ALDH18A1: variants seen among roughly 807,000 people sequenced by gnomAD.
ALDH18A1 encodes the protein aldehyde dehydrogenase 18 family member A1.
In ALDH18A1, 44 loss-of-function variants were observed where a neutral mutation model predicts 88.8. The observed-to-expected ratio is 0.50, with a 90% CI of 0.39 to 0.64. The LOEUF (loss-of-function observed/expected upper bound fraction) is 0.64, where lower values mean the gene tolerates loss of function less well. ALDH18A1 is among the 30% of genes least tolerant of loss of function. The pLI, the probability that ALDH18A1 is intolerant of heterozygous loss-of-function variation, is 0.00. For missense variants in ALDH18A1, 782 were observed against 1,009.5 expected, an observed-to-expected ratio of 0.77 and a Z score of 3.05; for synonymous variants, 331 against 372.1, an observed-to-expected ratio of 0.89 and a Z score of 1.27.
chr10:95,626,743 C>A lies in ALDH18A1; in HGVS notation c.1112G>T (p.Arg371Leu). 1 of 1,613,968 alleles carries A rather than the reference C, an allele frequency of 6.2e-7. No individual in the cohort carries two copies. Among genetic ancestry groups the A allele is most frequent in the Non-Finnish European group, 8.5e-7 (1 of 1,179,934 alleles). Residue 371 changes from arginine to leucine, a missense_variant, in exon 10 of 18, where the codon CGA (arginine) becomes CTA (leucine). Physicochemically the swap from Arg to Leu is moderately radical, Grantham distance 102. Coordinates refer to ENST00000371224, the MANE Select transcript of ALDH18A1 (RefSeq NM_002860.4). ...GGTGGCCAACATCCTTCCTCCAGAT[C>A]GCGCCATTTCTCCCTGCTGCTCAAC... ...PTVEQQGEMA[R>L]SGGRMLATLE...
Position 95,609,769 on chromosome 10 carries a change from A to ATTTTTTTTTTT in ALDH18A1, c.2206+417_2206+427dup, listed in dbSNP as rs55659918. On this transcript the variant is annotated intron_variant, in intron 17 of 17. Transcript: ENST00000371224. ...CCTACCTTGCCAGAAGTCTGTCTCT[A>ATTTTTTTTTTT]TTTTTTTTTTTTTTTTGAGATGGTG... 4.0e-4 allele frequency among the ~76,000 whole-genome samples: 46 copies of ATTTTTTTTTTT among 114,222 alleles called. 5 individuals are homozygous for ATTTTTTTTTTT. The highest frequency in any genetic ancestry group is 5.2e-4 in the African/African-American group (15 of 29,106). 74.9% of individuals were successfully genotyped at this position (114,222 alleles called of 152,430 possible).
chr10:95,643,049 C>T lies in ALDH18A1; in HGVS notation c.246G>A (p.Val82=), dbSNP rs1366311674. 3 of 1,613,874 alleles carry T rather than the reference C, an allele frequency of 1.9e-6. No homozygotes were observed. The highest frequency in any genetic ancestry group is 2.5e-6 in the Non-Finnish European group (3 of 1,179,934). The stretch of plus-strand genomic sequence containing the variant: ...CCAGGCCACATTCATCCCCTCGGGT[C>T]ACCACGGCACTGCCGAGCTTCACCA... ...RIVVKLGSAV[V]TRGDECGLAL... Residue 82 remains valine (V), a synonymous_variant, in exon 3 of 18, where the codon GTG becomes GTA. Transcript: ENST00000371224.
intron 5 of ALDH18A1, among the ~76,000 whole-genome samples, chr10:95,636,505 CG>C (rs1283417438): frequency 6.6e-6 from 1 of 152,166 alleles, no homozygotes; most frequent in Admixed American, 6.5e-5. Context: ...ACCAAAAATT[CG>C]TAAGTCCCAT....
chr10:95,606,795 C>A lies in ALDH18A1; in HGVS notation c.2355G>T (p.Glu785Asp). Residue 785 changes from glutamate to aspartate, a missense_variant, in exon 18 of 18, where the codon GAG (glutamate) becomes GAT (aspartate). Physicochemically the swap from Glu to Asp is conservative, Grantham distance 45 (BLOSUM62 2). This residue lies in a region of ALDH18A1 where 556 missense variants were observed against 654.5 expected (regional missense o/e 0.85). Coordinates refer to ENST00000371224, the MANE Select transcript of ALDH18A1 (RefSeq NM_002860.4). ...SEHGSLKYLHENLPIPQRNTN is the reference protein window; with the variant it reads ...SEHGSLKYLHDNLPIPQRNTN ...TGTTTCTCTGAGGAATAGGGAGGTT[C>A]TCATGAAGATATTTTAAACTTCCAT... is the stretch of plus-strand genomic sequence containing the variant. 6.2e-7 allele frequency: 1 copy of A among 1,614,138 alleles called. No individual in the cohort carries two copies. Among genetic ancestry groups the A allele is most frequent in the Non-Finnish European group, 8.5e-7 (1 of 1,180,020 alleles).
intron 11 of ALDH18A1, among the ~76,000 whole-genome samples, chr10:95,621,971 A>C (rs1050068483): frequency 6.6e-6 from 1 of 152,194 alleles, no homozygotes; most frequent in African/African-American, 2.4e-5. Context: ...GAAAAAGGCA[A>C]ACTATAAAAC....
At chr10:95,641,700 A>G (rs920707610) in intron 3 of ALDH18A1, among the ~76,000 whole-genome samples, 2 of 152,060 alleles carry the variant, frequency 1.3e-5, no homozygotes, top group African/African-American at 4.8e-5. Flanking sequence ...GTGCAGTCGC[A>G]TGATCATAGC....
rs1461441704 is a variant in ALDH18A1 at position 95,626,758 on chromosome 10, T to C, written c.1097A>G (p.Gln366Arg). 1 of 1,614,010 alleles carries C rather than the reference T, an allele frequency of 6.2e-7. No homozygotes were observed. The highest frequency in any genetic ancestry group is 1.1e-5 in the South Asian group (1 of 91,074). ...TCCTCCAGATCGCGCCATTTCTCCC[T>C]GCTGCTCAACAGTAGGGCCTGCAAG... ...VKPAGPTVEQ[Q>R]GEMARSGGRM... Residue 366 changes from glutamine (Q) to arginine (R), a missense_variant, in exon 10 of 18, where the codon CAG (glutamine) becomes CGG (arginine). Gln to Arg is a conservative substitution (Grantham distance 43). Around this residue, in one of 3 missense-constraint regions of ALDH18A1, gnomAD observed 556 missense variants for 654.5 expected, o/e 0.85. Coordinates refer to ENST00000371224, the MANE Select transcript of ALDH18A1 (RefSeq NM_002860.4).
chr10:95,637,067 A>C (rs1589543014), intron 5 of ALDH18A1, 26 bp downstream of exon 5: 1 of 1,608,704 alleles, frequency 6.2e-7, no homozygotes. Flanking sequence ...CAGGTCCCAC[A>C]CCCATTTCAA....
At position 95,622,817 on chromosome 10, in the gene ALDH18A1, A is replaced by G. The variant is rs916575871; in HGVS notation, c.1247-1566T>C. 7.2e-5 allele frequency among the ~76,000 whole-genome samples: 11 copies of G among 152,272 alleles called. No homozygotes were observed. In the East Asian group the frequency reaches 1.9e-3, roughly 27 times the overall value. ...CTCCCAAAGTGCTGGGATTACAGGC[A>G]TGAGACACCGCACCCGGCCCAGAAT... On this transcript the variant is annotated intron_variant, in intron 11 of 17. Coordinates refer to ENST00000371224, the MANE Select transcript of ALDH18A1 (RefSeq NM_002860.4).
chr10:95,627,700 G>A, intron 8 of ALDH18A1, 114 bp from the exon 9 acceptor site: 3 of 1,288,580 alleles, frequency 2.3e-6, no homozygotes, highest in Non-Finnish European at 3.3e-6. Flanking sequence ...AAGTATATGA[G>A]AGAATGTTTT....
At position 95,626,714 on chromosome 10, in the gene ALDH18A1, C is replaced by G; in HGVS notation, c.1141G>C (p.Glu381Gln). The G allele has an allele frequency of 6.2e-7, 1 of 1,613,932 alleles. No individual in the cohort carries two copies. Among genetic ancestry groups the G allele is most frequent in the Non-Finnish European group, 8.5e-7 (1 of 1,179,876 alleles). ...CCTAAGGTTATTACCTGCTCAGGTT[C>G]CAAGGTGGCCAACATCCTTCCTCCA... The part of the protein sequence containing the change: ...RSGGRMLATL[E>Q]PEQRAEIIHH... The change falls in exon 10 of 18, where the codon GAA (glutamate) becomes CAA (glutamine). Residue 381 changes from glutamate to glutamine, a missense_variant. Physicochemically the swap from Glu to Gln is conservative, Grantham distance 29 (BLOSUM62 2). Transcript: ENST00000371224.
chr10:95,630,459 T>C (rs531358246), intron 7 of ALDH18A1, among the ~76,000 whole-genome samples: 1 of 152,342 alleles, frequency 6.6e-6, no homozygotes, highest in African/African-American at 2.4e-5. Flanking sequence ...ATGCCTGTAA[T>C]CCCAGTGCTT....
chr10:95,636,260 A>G (rs2097880464), intron 5 of ALDH18A1, among the ~76,000 whole-genome samples: 1 of 152,240 alleles, frequency 6.6e-6, no homozygotes, highest in South Asian at 2.1e-4. Context: ...ATGTAAAATA[A>G]TATCCATAAT....
intron 12 of ALDH18A1, 167 bp from the exon 13 acceptor site, chr10:95,616,781 A>C (rs1320017772): frequency 2.2e-5 from 20 of 927,654 alleles, no homozygotes; most frequent in Non-Finnish European, 2.8e-5. Context: ...TGCCTGTTTT[A>C]TCCCCTACTT....
intron 15 of ALDH18A1, among the ~76,000 whole-genome samples, chr10:95,613,108 CAG>C (rs769225440): frequency 1.3e-5 from 2 of 152,216 alleles, no homozygotes; most frequent in Non-Finnish European, 2.9e-5. Context: ...TGCATCCATG[CAG>C]AGAGTTTAAC....
Position 95,606,454 on chromosome 10 carries a change from G to GCCAA in ALDH18A1, c.*307_*308insTTGG, listed in dbSNP as rs2097822855. The GCCAA allele has an allele frequency of 4.1e-6, 5 of 1,232,934 alleles. No individual in the cohort carries two copies. Among genetic ancestry groups the GCCAA allele is most frequent in the Non-Finnish European group, 5.1e-6 (5 of 975,676 alleles). 76.4% of individuals were successfully genotyped at this position (1,232,934 alleles called of 1,614,324 possible). On this transcript the variant is annotated 3_prime_UTR_variant, in exon 18 of 18. Coordinates refer to ENST00000371224, the MANE Select transcript of ALDH18A1 (RefSeq NM_002860.4). ...TAAGTCACTGAGGTGACACAAAGCA[G>GCCAA]CCATGGGTTTTCCTCGCCTTTTTTA...
intron 1 of ALDH18A1, among the ~76,000 whole-genome samples, chr10:95,653,677 T>C (rs1410920458): frequency 6.6e-6 from 1 of 152,222 alleles, no homozygotes; most frequent in Non-Finnish European, 1.5e-5. Flanking sequence ...CTGCTCTTTT[T>C]GGTATCTTCC....
At chr10:95,618,138 G>A (rs565321291) in intron 12 of ALDH18A1, among the ~76,000 whole-genome samples, 2 of 152,218 alleles carry the variant, frequency 1.3e-5, no homozygotes, top group South Asian at 2.1e-4. Flanking sequence ...GGAAGAGCTG[G>A]TATCCTATAG....
rs779002167 is a variant in ALDH18A1, at chr10:95,614,047, T to C, written c.1720A>G (p.Ile574Val). ...CCTTCGCTGTGCCCCATCACTGGAA[T>C]CCCCTTAGCAGCTTTCTGGATGTCT... is the stretch of plus-strand genomic sequence containing the variant. Reference protein sequence around the residue: ...VRDIQKAAKGIPVMGHSEGIC... With the variant: ...VRDIQKAAKGVPVMGHSEGIC... The change falls in exon 14 of 18, where the codon ATT becomes GTT. Residue 574 changes from isoleucine to valine, a missense_variant. By Grantham distance (29) the Ile-to-Val change is conservative. This residue lies in a region of ALDH18A1 where 556 missense variants were observed against 654.5 expected (regional missense o/e 0.85). Coordinates refer to ENST00000371224, the MANE Select transcript of ALDH18A1 (RefSeq NM_002860.4). The C allele has an allele frequency of 1.1e-5, 18 of 1,614,158 alleles. No homozygotes were observed. The South Asian group carries it at 2.0e-4, about 18-fold the overall frequency.
Sources: gnomAD v4.1 joint callset for allele counts (sites outside exome capture counted in the v4.1 genomes callset) on GRCh38, gnomAD v4.1.1 for gene constraint, gnomAD v4.1.1 regional missense constraint, MANE v1.5 for transcripts, NCBI Gene and HGNC (gene_info 2026-07-23, HGNC 2026-07-21) for gene names.